The following VHL variants were observed in gnomAD, a reference collection of about 807,000 sequenced individuals.
VHL encodes the protein von Hippel-Lindau tumor suppressor, also known as von Hippel-Lindau disease tumor suppressor.
A neutral mutation model predicts 19.2 loss-of-function variants in VHL; 10 were observed. The observed-to-expected ratio is 0.52, with a 90% CI of 0.32 to 0.89. The LOEUF (loss-of-function observed/expected upper bound fraction) is 0.89, where lower values mean the gene tolerates loss of function less well. Among genes scored for constraint, VHL ranks in the 40% least tolerant of loss-of-function variants. The probability of loss-of-function intolerance (pLI) is 0.03; values close to 1 mark genes in which losing one functional copy is unlikely to be tolerated. For missense variants in VHL, 328 were observed against 292.7 expected (o/e 1.12, Z -0.88); for synonymous variants, 167 against 129.5 (o/e 1.29, Z -1.97).
At chr3:10,143,493 A>G (rs1050156192) in intron 1 of VHL, among the ~76,000 whole-genome samples, 1 of 151,930 alleles carries the variant, frequency 6.6e-6, no homozygotes, top group Non-Finnish European at 1.5e-5. Flanking sequence ...CTGTCGCCAG[A>G]CTGGAGTGCT....
rs575723363 is a variant in VHL, at chr3:10,152,826, A to G, written c.*2861A>G. ...TTTTTTTAAGCTGTCTTTGTGTCAA[A>G]ATGATAGTTCATGCTCCTCTTGTTA... On this transcript the variant is annotated 3_prime_UTR_variant, in exon 3 of 3. Transcript: ENST00000256474. Among the ~76,000 whole-genome samples, 1 of 151,952 alleles carries G rather than the reference A, an allele frequency of 6.6e-6. No homozygotes were observed. Among genetic ancestry groups the G allele is most frequent in the South Asian group, 2.1e-4 (1 of 4,812 alleles).
In VHL at chr3:10,153,574, T is replaced by C. The variant is rs1351780360; in HGVS notation, c.*3609T>C. Among the ~76,000 whole-genome samples the C allele has an allele frequency of 6.6e-6, 1 of 151,436 alleles. No homozygotes were observed. Among genetic ancestry groups the C allele is most frequent in the Non-Finnish European group, 1.5e-5 (1 of 67,954 alleles). The stretch of plus-strand genomic sequence containing the variant: ...GTGAATGTATTAAATATATCGCTCT[T>C]AAGAGACGGTGAAGTTCCTATTTCA... On this transcript the variant is annotated 3_prime_UTR_variant, in exon 3 of 3. Coordinates refer to ENST00000256474, the MANE Select transcript of VHL (RefSeq NM_000551.4).
intron 2 of VHL, among the ~76,000 whole-genome samples, 175 bp from the exon 3 acceptor site, chr3:10,149,612 G>GGT (rs1482116615): frequency 1.3e-5 from 2 of 152,180 alleles, no homozygotes; most frequent in African/African-American, 4.8e-5. Context: ...AACACCATGA[G>GGT]GTGTCCATAG....
chr3:10,147,593 G>A (rs996003450), intron 2 of VHL, among the ~76,000 whole-genome samples: 3 of 150,298 alleles, frequency 2.0e-5, no homozygotes, highest in Non-Finnish European at 4.4e-5. Flanking sequence ...TTGAACTCCT[G>A]ACCTCAGGTG....
rs1064794271 is a variant in VHL at position 10,142,071 on chromosome 3, T to C, written c.224T>C (p.Ile75Thr). The change falls in exon 1 of 3, where the codon ATC (isoleucine) becomes ACC (threonine). Residue 75 changes from isoleucine to threonine, a missense_variant. Physicochemically the swap from Ile to Thr is moderately conservative, Grantham distance 89. Coordinates refer to ENST00000256474, the MANE Select transcript of VHL (RefSeq NM_000551.4). The stretch of plus-strand genomic sequence containing the variant: ...AACTCGCGCGAGCCCTCCCAGGTCA[T>C]CTTCTGCAATCGCAGTCCGCGCGTC... ...SVNSREPSQV[I>T]FCNRSPRVVL... 1 of 1,607,186 alleles carries C rather than the reference T, an allele frequency of 6.2e-7. No homozygotes were observed. Among genetic ancestry groups the C allele is most frequent in the Non-Finnish European group, 8.5e-7 (1 of 1,179,502 alleles).
At position 10,150,013 on chromosome 3, in the gene VHL, C is replaced by G. The variant is rs1187934647; in HGVS notation, c.*48C>G. On this transcript the variant is annotated 3_prime_UTR_variant, in exon 3 of 3. Transcript: ENST00000256474. The stretch of plus-strand genomic sequence containing the variant: ...TGTTTCATCTCAGCTTTTGATGGTA[C>G]TGATGAGTCTTGATCTAGATACAGG... 1.7e-5 allele frequency: 27 copies of G among 1,587,138 alleles called. No individual in the cohort carries two copies. Among genetic ancestry groups the G allele is most frequent in the Non-Finnish European group, 2.1e-5 (25 of 1,166,574 alleles).
In VHL at chr3:10,153,338, C is replaced by T. The variant is rs1157286367; in HGVS notation, c.*3373C>T. On this transcript the variant is annotated 3_prime_UTR_variant, in exon 3 of 3. Coordinates refer to ENST00000256474, the MANE Select transcript of VHL (RefSeq NM_000551.4). ...TGGCGGTGGGCGCCTGTGAGGCAGG[C>T]GAATCTCTTGAACCCGGGAGGCGGA... 5.3e-5 allele frequency among the ~76,000 whole-genome samples: 8 copies of T among 150,612 alleles called. No individual in the cohort carries two copies. Among genetic ancestry groups the T allele is most frequent in the Admixed American group, 4.6e-4 (7 of 15,058 alleles).
rs367615363 is a variant in VHL, at chr3:10,146,173, C to CT, written c.341-324dup. Among the ~76,000 whole-genome samples, 13,595 of 131,506 alleles carry CT rather than the reference C, an allele frequency of 0.1. 1,815 individuals carry two copies. The highest frequency in any genetic ancestry group is 0.3 in the African/African-American group (10,523 of 34,548). 86.3% of individuals were successfully genotyped at this position (131,506 alleles called of 152,430 possible). A position where few individuals can be genotyped will look rare whatever the true frequency, so the allele number is the denominator to read the frequency against. On this transcript the variant is annotated intron_variant, in intron 1 of 2. Coordinates refer to ENST00000256474, the MANE Select transcript of VHL (RefSeq NM_000551.4). ...TGCCCTGACTCAGACCAGTCTGGCT[C>CT]TTTTTTTTTTTTTTTTTGGAGACGG...
In VHL at chr3:10,146,605, A is replaced by G. The variant is rs1575928044; in HGVS notation, c.432A>G (p.Gly144=). 1 of 1,614,046 alleles carries G rather than the reference A, an allele frequency of 6.2e-7. No homozygotes were observed. The highest frequency in any genetic ancestry group is 1.7e-5 in the Admixed American group (1 of 60,000). Residue 144 remains glycine, a synonymous_variant, in exon 2 of 3, where the codon GGA becomes GGG. Coordinates refer to ENST00000256474, the MANE Select transcript of VHL (RefSeq NM_000551.4). ...TTGTGCCATCTCTCAATGTTGACGGACAGCCTATTTTTGCCAATATCACAC... is the reference window on the plus strand; with the variant it reads ...TTGTGCCATCTCTCAATGTTGACGGGCAGCCTATTTTTGCCAATATCACAC... ...ELFVPSLNVD[G]QPIFANITLP... is the part of the protein sequence containing the mutation.
At chr3:10,148,482 T>C (rs1385803537) in intron 2 of VHL, among the ~76,000 whole-genome samples, 2 of 149,980 alleles carry the variant, frequency 1.3e-5, no homozygotes, top group Non-Finnish European at 3.0e-5. Context: ...GCCCGGCTAA[T>C]TTTTTGTATT....
chr3:10,141,875 G>C lies in VHL; in HGVS notation c.28G>C (p.Glu10Gln), dbSNP rs1057519261. 6.5e-7 allele frequency: 1 copy of C among 1,534,464 alleles called. No individual in the cohort carries two copies. Among genetic ancestry groups the C allele is most frequent in the Non-Finnish European group, 8.8e-7 (1 of 1,138,622 alleles). The change falls in exon 1 of 3, where the codon GAG becomes CAG. Residue 10 changes from glutamate (E) to glutamine (Q), a missense_variant. Glu to Gln is a conservative substitution (Grantham distance 29). Coordinates refer to ENST00000256474, the MANE Select transcript of VHL (RefSeq NM_000551.4). ...GCCCCGGAGGGCGGAGAACTGGGACGAGGCCGAGGTAGGCGCGGAGGAGGC... is the reference window on the plus strand; with the variant it reads ...GCCCCGGAGGGCGGAGAACTGGGACCAGGCCGAGGTAGGCGCGGAGGAGGC... MPRRAENWD[E>Q]AEVGAEEAGV...
In VHL at chr3:10,147,871, C is replaced by T. The variant is rs116625682; in HGVS notation, c.463+1235C>T. On this transcript the variant is annotated intron_variant, in intron 2 of 2. Transcript: ENST00000256474. ...CTTAGGGAGGCTATGGCGGGAGGGT[C>T]GCTTGAGACCAGGAGTTCTTGACCA... 5.9e-3 allele frequency among the ~76,000 whole-genome samples: 895 copies of T among 151,992 alleles called. 11 individuals are homozygous for T. Among genetic ancestry groups the T allele is most frequent in the African/African-American group, 0.02 (829 of 41,448 alleles).
intron 2 of VHL, among the ~76,000 whole-genome samples, 170 bp downstream of exon 2, chr3:10,146,806 G>A (rs536176038): frequency 8.0e-5 from 12 of 149,686 alleles, no homozygotes; most frequent in South Asian, 6.2e-4. Context: ...GTATTTGTAC[G>A]TTATGTGTTA....
intron 1 of VHL, 79 bp from the exon 2 acceptor site, chr3:10,146,435 A>G (rs1696257861): frequency 1.3e-6 from 2 of 1,595,412 alleles, no homozygotes; most frequent in East Asian, 4.5e-5. Context: ...CGGCCTCCCA[A>G]AGTGCTGGGA....
At chr3:10,149,728 T>C in intron 2 of VHL, 59 bp from the exon 3 acceptor site, 1 of 1,478,098 alleles carries the variant, frequency 6.8e-7, no homozygotes, top group South Asian at 1.1e-5. Flanking sequence ...AAGCCTCTTG[T>C]TCGTTCCTTG....
intron 2 of VHL, among the ~76,000 whole-genome samples, chr3:10,149,423 C>T (rs116715791): frequency 6.6e-6 from 1 of 152,146 alleles, no homozygotes; most frequent in Non-Finnish European, 1.5e-5. Context: ...AGGGCCTGTT[C>T]CTCTTTATGT....
chr3:10,146,744 T>G lies in VHL; in HGVS notation c.463+108T>G, dbSNP rs1678607. The G allele has an allele frequency of 0.87, 1,198,650 of 1,372,520 alleles. 524,322 individuals carry two copies. Among genetic ancestry groups the G allele is most frequent in the African/African-American group, 0.94 (65,555 of 70,000 alleles). The allele number at this position is 1,372,520 out of a possible 1,614,324, so 85.0% of individuals were successfully genotyped here. ...CAATTTTTGCCTGATGTCAGGCACG[T>G]TATCCAATCTTTTTGTATCCTATTC... On this transcript the variant is annotated intron_variant, in intron 2 of 2. Coordinates refer to ENST00000256474, the MANE Select transcript of VHL (RefSeq NM_000551.4).
chr3:10,144,365 A>G (rs1696201880), intron 1 of VHL, among the ~76,000 whole-genome samples: 1 of 151,928 alleles, frequency 6.6e-6, no homozygotes, highest in South Asian at 2.1e-4. Flanking sequence ...AGTCCCAGCT[A>G]CTTGGGAAGC....
Position 10,152,461 on chromosome 3 carries a change from T to C in VHL, c.*2496T>C, listed in dbSNP as rs983488690. 6.7e-6 allele frequency among the ~76,000 whole-genome samples: 1 copy of C among 149,420 alleles called. No individual in the cohort carries two copies. The highest frequency in any genetic ancestry group is 1.5e-5 in the Non-Finnish European group (1 of 67,410). On this transcript the variant is annotated 3_prime_UTR_variant, in exon 3 of 3. Coordinates refer to ENST00000256474, the MANE Select transcript of VHL (RefSeq NM_000551.4). ...ATTTCAACTGATTTTAGCTCCTCCT[T>C]TCAACATTCAACAAATAGTCTTTTT...
Sources: allele counts gnomAD v4.1 joint callset (sites outside exome capture counted in the v4.1 genomes callset), GRCh38; gene constraint gnomAD v4.1.1; transcripts MANE v1.5; gene names NCBI Gene and HGNC (gene_info 2026-07-23, HGNC 2026-07-21).